The following OCA2 variants were observed in gnomAD, a reference collection of about 807,000 sequenced individuals.
OCA2 encodes OCA2 melanosomal transmembrane protein.
Under a neutral mutation model 100.2 loss-of-function variants are expected in OCA2, and 77 were observed. The observed-to-expected ratio is 0.77, with a 90% CI of 0.64 to 0.93. OCA2 has a LOEUF of 0.93. Ranked by LOEUF, OCA2 falls within the 40% of genes least tolerant of loss-of-function variation. The pLI is 0.00. For synonymous variants in OCA2, 432 were observed against 439.2 expected (o/e 0.98, Z 0.21); for missense variants, 1,062 against 1,089.1 (o/e 0.98, Z 0.35).
rs147144967 is a variant in OCA2, at chr15:27,816,822, C to T, written c.2432+28137G>A. 3.2e-3 allele frequency among the ~76,000 whole-genome samples: 491 copies of T among 152,280 alleles called. 6 individuals are homozygous for T. The highest frequency in any genetic ancestry group is 0.011 in the African/African-American group (473 of 41,550). Reference sequence around the variant, plus strand: ...CCTATAGGAGCAGGAGGCTTCTCTGCTCAAAGACTTCCAGTGACAGCCTCT... The same window carrying T: ...CCTATAGGAGCAGGAGGCTTCTCTGTTCAAAGACTTCCAGTGACAGCCTCT... On this transcript the variant is annotated intron_variant, in intron 23 of 23. Transcript: ENST00000354638.
At chr15:27,976,345 A>C (rs1299533373) in intron 14 of OCA2, among the ~76,000 whole-genome samples, 1 of 152,202 alleles carries the variant, frequency 6.6e-6, no homozygotes, top group Non-Finnish European at 1.5e-5. Flanking sequence ...CTGATGTTAG[A>C]GGGAAATCAT....
chr15:27,788,105 T>G (rs1172840174), intron 23 of OCA2, among the ~76,000 whole-genome samples: 1 of 152,058 alleles, frequency 6.6e-6, no homozygotes, highest in Non-Finnish European at 1.5e-5. Context: ...ATAATTTCAG[T>G]CTTTGTAAAT....
chr15:27,913,531 A>G (rs754311474), intron 19 of OCA2, among the ~76,000 whole-genome samples: 9 of 152,114 alleles, frequency 5.9e-5, no homozygotes, highest in Non-Finnish European at 1.0e-4. Context: ...TTAGATTGTG[A>G]GCTCATATAT....
chr15:27,910,294 G>T (rs551008225), intron 19 of OCA2, among the ~76,000 whole-genome samples: 3 of 152,152 alleles, frequency 2.0e-5, no homozygotes, highest in Non-Finnish European at 4.4e-5. Context: ...TGGCAATGAA[G>T]AATAAAACAT....
intron 19 of OCA2, among the ~76,000 whole-genome samples, chr15:27,912,844 A>G (rs2140270251): frequency 6.6e-6 from 1 of 152,342 alleles, no homozygotes; most frequent in East Asian, 1.9e-4. Context: ...GAAACCTGGC[A>G]GACACCACAT....
At chr15:27,770,840 CTTTT>C (rs2031716527) in intron 23 of OCA2, among the ~76,000 whole-genome samples, 4 of 126,856 alleles carry the variant, frequency 3.2e-5, no homozygotes, top group African/African-American at 1.1e-4. Context: ...CTTCCTCCCT[CTTTT>C]CCTTCCTTCC....
chr15:28,053,697 C>T (rs2043589246), intron 2 of OCA2, among the ~76,000 whole-genome samples: 1 of 152,212 alleles, frequency 6.6e-6, no homozygotes, highest in African/African-American at 2.4e-5. Context: ...GAGGCCCCAC[C>T]TCAGAGGGCC....
At chr15:28,022,405 G>A (rs894113673) in intron 6 of OCA2, 96 bp downstream of exon 6, 38 of 873,390 alleles carry the variant, frequency 4.4e-5, no homozygotes, top group East Asian at 2.7e-4. Flanking sequence ...GGCCTGTGCC[G>A]TGGCCTTCAG....
At position 27,755,485 on chromosome 15, in the gene OCA2, G is replaced by C; in HGVS notation, c.2433-13C>G. 6.2e-7 allele frequency: 1 copy of C among 1,603,694 alleles called. No homozygotes were observed. The highest frequency in any genetic ancestry group is 8.5e-7 in the Non-Finnish European group (1 of 1,170,636). ...TGGGAAGCCCAGCCTGAAATACAAA[G>C]AGAAATGAGTTATGGCATCTGAAAT... On this transcript the variant is annotated splice_polypyrimidine_tract_variant and intron_variant, in intron 23 of 23. Coordinates refer to ENST00000354638, the MANE Select transcript of OCA2 (RefSeq NM_000275.3).
At chr15:28,032,570 G>C (rs1393145730) in intron 2 of OCA2, among the ~76,000 whole-genome samples, 1 of 151,968 alleles carries the variant, frequency 6.6e-6, no homozygotes, top group Admixed American at 6.6e-5. Flanking sequence ...TGAACCACAA[G>C]GTCAGGAGTT....
rs531502539 is a variant in OCA2, at chr15:27,815,904, G to T, written c.2432+29055C>A. ...CCCAGCACTTTGGGAGGCTGAGGCG[G>T]GTAGATCACCTGAGGTCAGGAGTTC... On this transcript the variant is annotated intron_variant, in intron 23 of 23. Transcript: ENST00000354638. Among the ~76,000 whole-genome samples the T allele has an allele frequency of 2.0e-5, 3 of 152,308 alleles. 1 individual carries two copies. Among genetic ancestry groups the T allele is most frequent in the Middle Eastern group, 6.8e-3 (2 of 294 alleles).
intron 18 of OCA2, among the ~76,000 whole-genome samples, chr15:27,930,061 T>C (rs1246156599): frequency 3.9e-5 from 6 of 152,036 alleles, no homozygotes; most frequent in Non-Finnish European, 5.9e-5. Context: ...GTTCAACCAT[T>C]CCGGAAAACA....
chr15:28,090,753 T>C (rs1341369997), intron 1 of OCA2, among the ~76,000 whole-genome samples: 1 of 151,926 alleles, frequency 6.6e-6, no homozygotes, highest in African/African-American at 2.4e-5. Context: ...GTCTCAAAAA[T>C]AATATAAGCT....
intron 21 of OCA2, among the ~76,000 whole-genome samples, chr15:27,869,623 T>C (rs77732523): frequency 1.8e-3 from 280 of 152,318 alleles, no homozygotes; most frequent in African/African-American, 6.3e-3. Flanking sequence ...AGAAAGGATC[T>C]GGGTGCAAAC....
rs1212240191 is a variant in OCA2 at position 28,081,592 on chromosome 15, G to A, written c.227+56C>T. 3.9e-6 allele frequency: 6 copies of A among 1,540,018 alleles called. No individual in the cohort carries two copies. The East Asian group carries it at 1.4e-4, about 35-fold the overall frequency. On this transcript the variant is annotated intron_variant, in intron 2 of 23. Coordinates refer to ENST00000354638, the MANE Select transcript of OCA2 (RefSeq NM_000275.3). Reference sequence around the variant, plus strand: ...ACAAACGTGGGGGAACGATGCTCATGGAAACCCAATCTGTGTGAAGTCCAC... The same window carrying A: ...ACAAACGTGGGGGAACGATGCTCATAGAAACCCAATCTGTGTGAAGTCCAC...
At chr15:27,924,563 G>A (rs1197291757) in intron 19 of OCA2, among the ~76,000 whole-genome samples, 1 of 152,126 alleles carries the variant, frequency 6.6e-6, no homozygotes, top group Non-Finnish European at 1.5e-5. Context: ...GGAACACAAT[G>A]TCTGTATTTT....
intron 2 of OCA2, among the ~76,000 whole-genome samples, chr15:28,075,784 A>G (rs750114489): frequency 6.6e-6 from 1 of 152,278 alleles, no homozygotes. Flanking sequence ...TATACAAAGT[A>G]AAAGAACCAA....
chr15:27,731,735 G>C, the OCA2 span, among the ~76,000 whole-genome samples: 1 of 152,174 alleles, frequency 6.6e-6, no homozygotes, highest in Non-Finnish European at 1.5e-5. Context: ...CAGGGTTTAG[G>C]CATCAGGTGC....
At chr15:27,959,780 A>T (rs971178209) in intron 15 of OCA2, among the ~76,000 whole-genome samples, 8 of 152,194 alleles carry the variant, frequency 5.3e-5, no homozygotes, top group East Asian at 1.9e-4. Flanking sequence ...AGCCACCTTC[A>T]TGCACACCCA....
Sources: gnomAD v4.1 joint callset for allele counts (sites outside exome capture counted in the v4.1 genomes callset) on GRCh38, gnomAD v4.1.1 for gene constraint, MANE v1.5 for transcripts, NCBI Gene and HGNC (gene_info 2026-07-23, HGNC 2026-07-21) for gene names.